The following CDC42BPA variants were observed in gnomAD, a reference collection of about 807,000 sequenced individuals.
The protein encoded by CDC42BPA is serine/threonine-protein kinase MRCK alpha.
CDC42BPA carries 80 observed loss-of-function variants against 223.5 expected under a neutral mutation model. The ratio of observed to expected loss-of-function variants is 0.36; its 90% CI spans 0.30 to 0.43. CDC42BPA has a LOEUF of 0.43. Ranked by LOEUF, CDC42BPA falls within the 20% of genes least tolerant of loss-of-function variation. The probability of loss-of-function intolerance (pLI) is 1.00; values close to 1 mark genes in which losing one functional copy is unlikely to be tolerated. For missense variants in CDC42BPA, 1,743 were observed against 2,099.9 expected (o/e 0.83, Z 3.32); for synonymous variants, 694 against 718.6 (o/e 0.97, Z 0.55).
chr1:227,252,474 A>G (rs1254127742), intron 2 of CDC42BPA, among the ~76,000 whole-genome samples: 1 of 152,168 alleles, frequency 6.6e-6, no homozygotes, highest in Non-Finnish European at 1.5e-5. Flanking sequence ...GAAAAAAATA[A>G]TAACAATCTT....
At chr1:227,242,375 C>T (rs1330349375) in intron 2 of CDC42BPA, among the ~76,000 whole-genome samples, 1 of 151,940 alleles carries the variant, frequency 6.6e-6, no homozygotes, top group Non-Finnish European at 1.5e-5. Flanking sequence ...CCACTTTCAG[C>T]ACTTAAATTC....
intron 6 of CDC42BPA, among the ~76,000 whole-genome samples, chr1:227,158,423 T>C (rs1187459822): frequency 6.6e-6 from 1 of 152,164 alleles, no homozygotes; most frequent in African/African-American, 2.4e-5. Flanking sequence ...TAAGATGTTA[T>C]AGAGAGTATT....
intron 1 of CDC42BPA, among the ~76,000 whole-genome samples, chr1:227,271,409 C>A (rs573740523): frequency 3.3e-5 from 5 of 152,172 alleles, no homozygotes; most frequent in South Asian, 4.1e-4. Context: ...CCACTTGGCA[C>A]ATCATTCCTA....
chr1:227,019,802 G>T (rs1048919404), intron 32 of CDC42BPA, among the ~76,000 whole-genome samples: 2 of 152,018 alleles, frequency 1.3e-5, no homozygotes, highest in Non-Finnish European at 2.9e-5. Context: ...CTCAACAGTG[G>T]GCTTAAAATT....
At chr1:227,148,398 G>A (rs1661071433) in intron 6 of CDC42BPA, among the ~76,000 whole-genome samples, 2 of 152,074 alleles carry the variant, frequency 1.3e-5, no homozygotes, top group Admixed American at 6.5e-5. Context: ...TGTTTTAGAA[G>A]AACTTATCCA....
intron 24 of CDC42BPA, among the ~76,000 whole-genome samples, chr1:227,037,886 G>A (rs1401007768): frequency 6.6e-6 from 1 of 152,118 alleles, no homozygotes; most frequent in Non-Finnish European, 1.5e-5. Context: ...GAGGCACTAA[G>A]AAGAATGAGA....
rs763341741 is a variant in CDC42BPA at position 227,112,415 on chromosome 1, A to G, written c.1898T>C (p.Val633Ala). ...RTERAKKELE[V>A]HTEALAAEAS... is the part of the protein sequence containing the mutation. Reference sequence around the variant, plus strand: ...TTCAGCAGCTAGAGCTTCTGTATGAACTTCCAGCTTTAAAACAGAATGAAA... The same window carrying G: ...TTCAGCAGCTAGAGCTTCTGTATGAGCTTCCAGCTTTAAAACAGAATGAAA... The change falls in exon 14 of 37, where the codon GTT becomes GCT. Residue 633 changes from valine (V) to alanine (A), a missense_variant. Physicochemically the swap from Val to Ala is moderately conservative, Grantham distance 64 (BLOSUM62 0). Coordinates refer to ENST00000366766, the MANE Select transcript of CDC42BPA (RefSeq NM_001394014.1). 3.1e-6 allele frequency: 5 copies of G among 1,593,190 alleles called. No homozygotes were observed. The highest frequency in any genetic ancestry group is 3.6e-5 in the Admixed American group (2 of 56,286).
intron 2 of CDC42BPA, among the ~76,000 whole-genome samples, chr1:227,253,819 T>C (rs1040282648): frequency 7.9e-5 from 12 of 152,090 alleles, no homozygotes; most frequent in African/African-American, 2.4e-4. Flanking sequence ...CATATTTACA[T>C]TGACATATGA....
At chr1:227,092,879 A>G (rs928496205) in intron 15 of CDC42BPA, among the ~76,000 whole-genome samples, 3 of 152,182 alleles carry the variant, frequency 2.0e-5, no homozygotes, top group Non-Finnish European at 2.9e-5. Flanking sequence ...CTAGCTGCAG[A>G]TATTATGCCC....
chr1:227,223,955 T>G (rs182493650), intron 2 of CDC42BPA, among the ~76,000 whole-genome samples: 1 of 152,278 alleles, frequency 6.6e-6, no homozygotes, highest in East Asian at 1.9e-4. Flanking sequence ...CTGAGCACGT[T>G]TAAGGTAGGC....
chr1:227,246,411 G>A (rs1480833420), intron 2 of CDC42BPA, among the ~76,000 whole-genome samples: 7 of 152,162 alleles, frequency 4.6e-5, no homozygotes, highest in Non-Finnish European at 1.0e-4. Context: ...AAGGGCCTTG[G>A]GCAAGGCCCA....
At chr1:227,193,543 A>G in intron 5 of CDC42BPA, 1 of 405,890 alleles carries the variant, frequency 2.5e-6, no homozygotes, top group Admixed American at 4.2e-5. Context: ...CTATTATTCT[A>G]GGAGTGACAA....
intron 11 of CDC42BPA, among the ~76,000 whole-genome samples, chr1:227,126,342 G>T (rs186628533): frequency 6.6e-6 from 1 of 152,032 alleles, no homozygotes; most frequent in Admixed American, 6.5e-5. Flanking sequence ...CTGACTGCAA[G>T]GTTGCTTCAG....
intron 2 of CDC42BPA, among the ~76,000 whole-genome samples, chr1:227,253,607 A>AATAAATACATACATACATAC (rs368046447): frequency 1.7e-5 from 2 of 116,466 alleles, no homozygotes; most frequent in East Asian, 2.0e-4. Flanking sequence ...AAAATAAATA[A>AATAAATACATACATACATAC]ATACATACAT....
chr1:227,170,931 G>A (rs766112742), intron 5 of CDC42BPA, among the ~76,000 whole-genome samples: 4 of 152,160 alleles, frequency 2.6e-5, no homozygotes, highest in African/African-American at 4.8e-5. Context: ...TTGTTAAGTG[G>A]AACAGTAGCC....
At chr1:227,057,908 T>C (rs868547226) in intron 21 of CDC42BPA, among the ~76,000 whole-genome samples, 9 of 152,140 alleles carry the variant, frequency 5.9e-5, no homozygotes, top group African/African-American at 2.2e-4. Flanking sequence ...AATTAATCCA[T>C]AATAAAATGA....
intron 35 of CDC42BPA, among the ~76,000 whole-genome samples, chr1:226,999,282 T>C (rs1423231167): frequency 3.3e-5 from 5 of 151,880 alleles, no homozygotes; most frequent in Admixed American, 3.3e-4. Context: ...ATTCACGCCA[T>C]TCTCCTGCCT....
intron 34 of CDC42BPA, chr1:227,010,930 T>C: frequency 7.3e-7 from 1 of 1,365,288 alleles, no homozygotes; most frequent in Non-Finnish European, 9.8e-7. Flanking sequence ...AGACGGGGAA[T>C]ATTCAGGGTT....
At chr1:227,084,531 A>G (rs910962694) in intron 16 of CDC42BPA, among the ~76,000 whole-genome samples, 3 of 151,300 alleles carry the variant, frequency 2.0e-5, no homozygotes, top group African/African-American at 7.3e-5. Flanking sequence ...TCATCTCAAA[A>G]AAAAAAAAAA....
Sources: gnomAD v4.1 joint callset for allele counts (sites outside exome capture counted in the v4.1 genomes callset) on GRCh38, gnomAD v4.1.1 for gene constraint, MANE v1.5 for transcripts, NCBI Gene and HGNC (gene_info 2026-07-23, HGNC 2026-07-21) for gene names.